LRRTM3: variants seen among roughly 807,000 people sequenced by gnomAD.
LRRTM3 encodes leucine rich repeat transmembrane neuronal 3.
Under a neutral mutation model 44.7 loss-of-function variants are expected in LRRTM3, and 24 were observed. That is an observed-to-expected ratio of 0.54 (90% CI 0.39 to 0.76). LRRTM3 has a LOEUF of 0.76. Ranked by LOEUF, LRRTM3 falls within the 30% of genes least tolerant of loss-of-function variation. The pLI is 0.00. For synonymous variants in LRRTM3, 277 were observed against 278.7 expected (o/e 0.99, Z 0.06); for missense variants, 587 against 702.2 (o/e 0.84, Z 1.85).
rs542864473 is a variant in LRRTM3, at chr10:66,932,977, T to G, written c.1536+4525T>G. ...GTCATCACAGGTACATTTCCTGGCT[T>G]TTCTGAATTTGAAGTTTCTCATATG... On this transcript the variant is annotated intron_variant, in intron 2 of 2. Transcript: ENST00000361320. 4.3e-4 allele frequency among the ~76,000 whole-genome samples: 66 copies of G among 152,322 alleles called. No individual in the cohort carries two copies. In the South Asian group the frequency reaches 9.1e-3, roughly 21 times the overall value.
chr10:66,945,920 G>C (rs1213776246), intron 2 of LRRTM3, among the ~76,000 whole-genome samples: 1 of 152,098 alleles, frequency 6.6e-6, no homozygotes, highest in African/African-American at 2.4e-5. Flanking sequence ...AGATTCTATG[G>C]TTGTAGTTTG....
At chr10:66,969,889 A>C (rs1185076812) in intron 2 of LRRTM3, among the ~76,000 whole-genome samples, 2 of 152,130 alleles carry the variant, frequency 1.3e-5, no homozygotes, top group Non-Finnish European at 2.9e-5. Context: ...CTCCTATCAG[A>C]AACATCTTAG....
chr10:66,952,311 T>G (rs1390735182), intron 2 of LRRTM3, among the ~76,000 whole-genome samples: 1 of 152,170 alleles, frequency 6.6e-6, no homozygotes, highest in Non-Finnish European at 1.5e-5. Flanking sequence ...AAGAGACAGA[T>G]GTCACTTTTA....
At chr10:67,030,318 T>C (rs1329866810) in intron 2 of LRRTM3, among the ~76,000 whole-genome samples, 1 of 152,194 alleles carries the variant, frequency 6.6e-6, no homozygotes, top group Non-Finnish European at 1.5e-5. Context: ...AATCTGCATA[T>C]GCTATCATTT....
chr10:66,932,775 C>A (rs920927758), intron 2 of LRRTM3, among the ~76,000 whole-genome samples: 14 of 152,184 alleles, frequency 9.2e-5, no homozygotes, highest in Middle Eastern at 3.2e-3. Flanking sequence ...GACCCAAATT[C>A]TTTTAGCCTC....
At chr10:66,977,239 C>T (rs1850093840) in intron 2 of LRRTM3, among the ~76,000 whole-genome samples, 1 of 152,034 alleles carries the variant, frequency 6.6e-6, no homozygotes, top group Middle Eastern at 3.4e-3. Flanking sequence ...GAGATTGAGA[C>T]CATACTGGCC....
chr10:67,017,806 G>A (rs531921639), intron 2 of LRRTM3, among the ~76,000 whole-genome samples: 2 of 151,994 alleles, frequency 1.3e-5, no homozygotes, highest in African/African-American at 2.4e-5. Flanking sequence ...GTCTCACTCT[G>A]TCACCCAGGC....
At chr10:67,073,857 T>C (rs1856592977) in intron 2 of LRRTM3, among the ~76,000 whole-genome samples, 1 of 152,194 alleles carries the variant, frequency 6.6e-6, no homozygotes, top group Non-Finnish European at 1.5e-5. Flanking sequence ...GAATTCATTC[T>C]CACAATTCAA....
At chr10:67,084,704 G>A (rs1457885285) in intron 2 of LRRTM3, among the ~76,000 whole-genome samples, 1 of 151,734 alleles carries the variant, frequency 6.6e-6, no homozygotes, top group East Asian at 1.9e-4. Flanking sequence ...AATAGAATGA[G>A]AAATAATAAA....
chr10:67,050,159 T>C (rs1854992292), intron 2 of LRRTM3, among the ~76,000 whole-genome samples: 1 of 152,202 alleles, frequency 6.6e-6, no homozygotes, highest in Admixed American at 6.5e-5. Flanking sequence ...GTGTTGCACA[T>C]AGTGCATGCA....
At chr10:67,015,406 A>C (rs1852595487) in intron 2 of LRRTM3, 1 of 152,284 alleles carries the variant, frequency 6.6e-6, no homozygotes, top group African/African-American at 2.4e-5. Flanking sequence ...GTTTTGTTTC[A>C]GAATGTCTTT....
intron 2 of LRRTM3, among the ~76,000 whole-genome samples, chr10:66,994,554 T>C (rs200702896): frequency 2.0e-5 from 3 of 152,174 alleles, no homozygotes; most frequent in Non-Finnish European, 4.4e-5. Flanking sequence ...TAGCAAATGA[T>C]ACAAAAATAG....
chr10:66,961,696 C>T (rs1849116557), intron 2 of LRRTM3, among the ~76,000 whole-genome samples: 1 of 152,044 alleles, frequency 6.6e-6, no homozygotes, highest in Admixed American at 6.6e-5. Context: ...TTTGTATATC[C>T]TATTATCTAT....
At chr10:66,980,950 A>G (rs951904683) in intron 2 of LRRTM3, among the ~76,000 whole-genome samples, 1 of 152,048 alleles carries the variant, frequency 6.6e-6, no homozygotes, top group African/African-American at 2.4e-5. Context: ...CTTGTTGCCC[A>G]GGCTGGAGTG....
At chr10:66,981,121 C>T (rs1453603875) in intron 2 of LRRTM3, among the ~76,000 whole-genome samples, 1 of 152,114 alleles carries the variant, frequency 6.6e-6, no homozygotes, top group East Asian at 1.9e-4. Context: ...TCAGGCTGGT[C>T]TCGAACTCCT....
chr10:67,036,976 C>T (rs1854100810), intron 2 of LRRTM3, among the ~76,000 whole-genome samples: 1 of 152,086 alleles, frequency 6.6e-6, no homozygotes, highest in Non-Finnish European at 1.5e-5. Flanking sequence ...AAGGGAGTGA[C>T]TCATTCATCT....
At chr10:66,958,091 T>A (rs961095287) in intron 2 of LRRTM3, among the ~76,000 whole-genome samples, 2 of 152,066 alleles carry the variant, frequency 1.3e-5, no homozygotes, top group Non-Finnish European at 2.9e-5. Flanking sequence ...CTTGCTGGCC[T>A]TCAGTACCAG....
intron 2 of LRRTM3, among the ~76,000 whole-genome samples, chr10:67,074,340 C>G (rs1164517827): frequency 9.0e-6 from 1 of 110,714 alleles, no homozygotes; most frequent in Admixed American, 9.3e-5. Context: ...GCCACTTTAA[C>G]TCTTTTTTTT....
chr10:67,034,554 T>G (rs1051988719), intron 2 of LRRTM3, among the ~76,000 whole-genome samples: 5 of 152,124 alleles, frequency 3.3e-5, no homozygotes, highest in South Asian at 2.1e-4. Context: ...ATTAACACAT[T>G]TATATTATCC....
Sources: allele counts gnomAD v4.1 joint callset (sites outside exome capture counted in the v4.1 genomes callset), GRCh38; gene constraint gnomAD v4.1.1; transcripts MANE v1.5; gene names NCBI Gene and HGNC (gene_info 2026-07-23, HGNC 2026-07-21).